Variants in EPM2A observed in about 807,000 individuals in gnomAD.
EPM2A encodes laforin.
In EPM2A, 21 loss-of-function variants were observed where a neutral mutation model predicts 26.5. The ratio of observed to expected loss-of-function variants is 0.79; its 90% CI spans 0.56 to 1.14. The LOEUF is 1.14. Among genes scored for constraint, EPM2A ranks in the 50% most tolerant of loss-of-function variants. The probability of loss-of-function intolerance (pLI) is 0.00; values close to 1 mark genes in which losing one functional copy is unlikely to be tolerated. For synonymous variants in EPM2A, 217 were observed against 177.6 expected (o/e 1.22, Z -1.76); for missense variants, 458 against 440.8 (o/e 1.04, Z -0.35).
In EPM2A at chr6:145,465,012, A is replaced by G. The variant is rs973042260; in HGVS notation, c.555+37510T>C. 5.9e-5 allele frequency among the ~76,000 whole-genome samples: 9 copies of G among 152,058 alleles called. 1 individual carries two copies. In the South Asian group the frequency reaches 1.9e-3, roughly 32 times the overall value. Reference sequence around the variant, plus strand: ...CGTTCTCTGTATTTCCTGAATCTGAATGTTGGCCTGCCTTGCTAGATTGGG... The same window carrying G: ...CGTTCTCTGTATTTCCTGAATCTGAGTGTTGGCCTGCCTTGCTAGATTGGG... On this transcript the variant is annotated intron_variant, in intron 4 of 4. Transcript: ENST00000638717.
chr6:145,671,951 CA>C (rs1431665400), intron 2 of EPM2A, among the ~76,000 whole-genome samples: 19 of 152,118 alleles, frequency 1.2e-4, no homozygotes, highest in African/African-American at 4.6e-4. Context: ...TAAGCCTTTT[CA>C]AGGAACAGAA....
intron 4 of EPM2A, among the ~76,000 whole-genome samples, chr6:145,435,328 G>C (rs1332530478): frequency 6.6e-6 from 1 of 151,096 alleles, no homozygotes; most frequent in Non-Finnish European, 1.5e-5. Context: ...AGAACAAACA[G>C]TTAAAAACAA....
intron 4 of EPM2A, among the ~76,000 whole-genome samples, chr6:145,417,511 T>C (rs947395958): frequency 2.6e-5 from 4 of 152,104 alleles, no homozygotes; most frequent in East Asian, 1.9e-4. Flanking sequence ...TGCATTAATA[T>C]ATGCAGGCAG....
Position 145,443,319 on chromosome 6 carries a change from G to T in EPM2A, c.555+59203C>A, listed in dbSNP as rs538632275. On this transcript the variant is annotated intron_variant, in intron 4 of 4. Coordinates refer to the EPM2A transcript ENST00000638717. ...GCATTGAATCCAGAAATTGCTTTGG[G>T]CAGTATAGCCATTTTAACAATATTG... Among the ~76,000 whole-genome samples, 7 of 152,288 alleles carry T rather than the reference G, an allele frequency of 4.6e-5. No individual in the cohort carries two copies. The South Asian group carries it at 1.4e-3, about 32-fold the overall frequency.
At chr6:145,403,354 T>C (rs1247887560) in intron 4 of EPM2A, among the ~76,000 whole-genome samples, 1 of 152,010 alleles carries the variant, frequency 6.6e-6, no homozygotes, top group African/African-American at 2.4e-5. Flanking sequence ...TAACTATTTT[T>C]TGTACCCACT....
intron 4 of EPM2A, among the ~76,000 whole-genome samples, chr6:145,399,967 A>G (rs918913095): frequency 1.3e-5 from 2 of 152,156 alleles, no homozygotes; most frequent in African/African-American, 4.8e-5. Context: ...CTGTATAACT[A>G]TTACAAATTT....
chr6:145,560,587 C>T (rs1265066306), intron 2 of EPM2A, among the ~76,000 whole-genome samples: 3 of 152,090 alleles, frequency 2.0e-5, no homozygotes, highest in African/African-American at 7.2e-5. Context: ...AAATCCATAT[C>T]GACATCTAAA....
intron 4 of EPM2A, among the ~76,000 whole-genome samples, chr6:145,421,134 C>T (rs1562328138): frequency 1.3e-5 from 2 of 152,160 alleles, no homozygotes; most frequent in African/African-American, 4.8e-5. Context: ...ACAGTGGTAA[C>T]ACTAACTGTT....
intron 1 of EPM2A, among the ~76,000 whole-genome samples, chr6:145,689,420 A>G (rs772326927): frequency 6.6e-5 from 10 of 152,220 alleles, no homozygotes; most frequent in African/African-American, 9.6e-5. Context: ...ATAAACAAAC[A>G]TAAGATAACT....
chr6:145,558,776 ATGT>A (rs1405351638), intron 2 of EPM2A, among the ~76,000 whole-genome samples: 1 of 152,114 alleles, frequency 6.6e-6, no homozygotes, highest in Non-Finnish European at 1.5e-5. Flanking sequence ...CAAGTTACTA[ATGT>A]TGTAGATACG....
chr6:145,564,495 G>A (rs1034100508), intron 2 of EPM2A, among the ~76,000 whole-genome samples: 4 of 152,204 alleles, frequency 2.6e-5, no homozygotes, highest in Non-Finnish European at 5.9e-5. Flanking sequence ...TCACCTGACT[G>A]GCTATAGCTA....
At chr6:145,412,899 C>A (rs1778662143) in intron 4 of EPM2A, among the ~76,000 whole-genome samples, 1 of 152,146 alleles carries the variant, frequency 6.6e-6, no homozygotes, top group South Asian at 2.1e-4. Context: ...GGGAAGGCAT[C>A]TGGGGTTCTC....
intron 2 of EPM2A, among the ~76,000 whole-genome samples, chr6:145,662,841 T>C (rs1334704050): frequency 6.6e-6 from 1 of 152,174 alleles, no homozygotes; most frequent in Admixed American, 6.5e-5. Context: ...ACAAGGAAAG[T>C]GCTTATATAG....
At chr6:145,479,158 A>G (rs537324836) in intron 4 of EPM2A, among the ~76,000 whole-genome samples, 41 of 151,142 alleles carry the variant, frequency 2.7e-4, no homozygotes, top group African/African-American at 8.2e-4. Flanking sequence ...GACGTCTTCC[A>G]GTAGTAAAGA....
intron 2 of EPM2A, chr6:145,671,360 C>A: frequency 1.0e-6 from 1 of 1,004,152 alleles, no homozygotes. Flanking sequence ...AAAGCACCAT[C>A]TTGAGGCACA....
At chr6:145,550,875 A>T (rs1486955393) in intron 2 of EPM2A, among the ~76,000 whole-genome samples, 2 of 152,064 alleles carry the variant, frequency 1.3e-5, no homozygotes, top group Admixed American at 1.3e-4. Flanking sequence ...AGGAAGCCTT[A>T]CTGATACTAT....
intron 1 of EPM2A, among the ~76,000 whole-genome samples, chr6:145,724,936 T>A (rs953798587): frequency 4.6e-5 from 7 of 151,944 alleles, no homozygotes; most frequent in South Asian, 2.1e-4. Flanking sequence ...GGAGAAGAGT[T>A]TTTTTGTTCA....
intron 2 of EPM2A, among the ~76,000 whole-genome samples, chr6:145,685,510 T>C (rs1031296325): frequency 6.6e-6 from 1 of 152,148 alleles, no homozygotes. Flanking sequence ...ATATGCATAT[T>C]GTTTAAGGTT....
At chr6:145,390,831 C>T (rs1463876982) in intron 4 of EPM2A, among the ~76,000 whole-genome samples, 1 of 151,958 alleles carries the variant, frequency 6.6e-6, no homozygotes, top group Non-Finnish European at 1.5e-5. Context: ...CTTAAATGTT[C>T]TCACTAGTCC....
Sources: gnomAD v4.1 joint callset for allele counts (sites outside exome capture counted in the v4.1 genomes callset) on GRCh38, gnomAD v4.1.1 for gene constraint, MANE v1.5 for transcripts, NCBI Gene and HGNC (gene_info 2026-07-23, HGNC 2026-07-21) for gene names.